The following ITPR1 variants were observed in gnomAD, a reference collection of about 807,000 sequenced individuals.
The protein encoded by ITPR1 is inositol 1,4,5-trisphosphate receptor type 1.
ITPR1 carries 96 observed loss-of-function variants against 318.4 expected under a neutral mutation model. The observed-to-expected ratio is 0.30, with a 90% CI of 0.26 to 0.36. The LOEUF is 0.36. ITPR1 is among the 10% of genes least tolerant of loss of function. The pLI is 1.00. For missense variants in ITPR1, 2,440 were observed against 3,460.2 expected (o/e 0.71, Z 7.40); for synonymous variants, 1,312 against 1,289.9 (o/e 1.02, Z -0.37).
At chr3:4,500,461 C>T (rs966581909) in intron 2 of ITPR1, among the ~76,000 whole-genome samples, 2 of 149,524 alleles carry the variant, frequency 1.3e-5, no homozygotes, top group East Asian at 3.9e-4. Context: ...CTTGACCTCC[C>T]AAAGTGTTGG....
intron 2 of ITPR1, among the ~76,000 whole-genome samples, chr3:4,505,755 C>G (rs1056931054): frequency 2.0e-5 from 3 of 152,178 alleles, no homozygotes; most frequent in Non-Finnish European, 4.4e-5. Flanking sequence ...GAGTGAGATG[C>G]TGGCATTCAC....
intron 2 of ITPR1, among the ~76,000 whole-genome samples, chr3:4,501,194 A>T (rs1332707207): frequency 6.6e-6 from 1 of 152,056 alleles, no homozygotes; most frequent in African/African-American, 2.4e-5. Flanking sequence ...CATGCACTAG[A>T]ATAGAAAACA....
At chr3:4,540,225 T>G in intron 4 of ITPR1, among the ~76,000 whole-genome samples, 1 of 152,224 alleles carries the variant, frequency 6.6e-6, no homozygotes, top group Non-Finnish European at 1.5e-5. Flanking sequence ...AACTAAATAT[T>G]TATCATTATG....
intron 54 of ITPR1, among the ~76,000 whole-genome samples, chr3:4,803,496 C>G (rs1391851908): frequency 6.6e-6 from 1 of 152,156 alleles, no homozygotes; most frequent in Admixed American, 6.5e-5. Flanking sequence ...ACCTACTGGG[C>G]TTCAGGTGGA....
chr3:4,575,726 A>T (rs993421087), intron 4 of ITPR1, among the ~76,000 whole-genome samples: 6 of 152,258 alleles, frequency 3.9e-5, no homozygotes, highest in African/African-American at 1.4e-4. Context: ...AAAAAAAAAA[A>T]AATGTTGCCA....
intron 59 of ITPR1, among the ~76,000 whole-genome samples, chr3:4,816,732 G>T (rs529292539): frequency 6.6e-6 from 1 of 152,274 alleles, no homozygotes; most frequent in Admixed American, 6.5e-5. Flanking sequence ...TAATTGCCAG[G>T]TTTTTCCAGT....
chr3:4,513,102 G>T (rs562416355), intron 2 of ITPR1, among the ~76,000 whole-genome samples: 3 of 152,216 alleles, frequency 2.0e-5, no homozygotes, highest in African/African-American at 7.2e-5. Flanking sequence ...AGGCACAAAT[G>T]GTCCACGATC....
At chr3:4,545,692 T>C (rs995994112) in intron 4 of ITPR1, among the ~76,000 whole-genome samples, 1 of 105,972 alleles carries the variant, frequency 9.4e-6, no homozygotes, top group African/African-American at 3.9e-5. Context: ...GTATGCAAAC[T>C]TTTTTTTTTT....
intron 60 of ITPR1, among the ~76,000 whole-genome samples, chr3:4,830,429 A>G (rs552832961): frequency 6.6e-6 from 1 of 152,216 alleles, no homozygotes; most frequent in South Asian, 2.1e-4. Context: ...TCTAAAGACT[A>G]ATTTTTTTTT....
At chr3:4,772,605 G>A (rs1559870860) in intron 46 of ITPR1, among the ~76,000 whole-genome samples, 3 of 152,218 alleles carry the variant, frequency 2.0e-5, no homozygotes, top group Non-Finnish European at 2.9e-5. Flanking sequence ...ACCAAAGTCT[G>A]TCTAAGCACA....
intron 10 of ITPR1, chr3:4,646,146 G>C (rs2093450896): frequency 5.4e-6 from 1 of 184,802 alleles, no homozygotes; most frequent in Non-Finnish European, 1.2e-5. Flanking sequence ...GTGTCTACCT[G>C]ACACAATACA....
chr3:4,529,920 G>A (rs1372557399), intron 4 of ITPR1, among the ~76,000 whole-genome samples: 1 of 152,172 alleles, frequency 6.6e-6, no homozygotes, highest in Admixed American at 6.5e-5. Flanking sequence ...GATGTTTAGT[G>A]TCTGGTCCAA....
chr3:4,611,634 A>C (rs1314069394), intron 4 of ITPR1, among the ~76,000 whole-genome samples: 2 of 151,588 alleles, frequency 1.3e-5, no homozygotes, highest in Non-Finnish European at 2.9e-5. Context: ...AGTTCCAGGT[A>C]CTCGGGAGGC....
In ITPR1 at chr3:4,642,213, A is replaced by G. The variant is rs2093353649; in HGVS notation, c.487A>G (p.Ile163Val). 1.3e-6 allele frequency: 2 copies of G among 1,589,612 alleles called. No individual in the cohort carries two copies. The highest frequency in any genetic ancestry group is 1.2e-5 in the South Asian group (1 of 86,876). ...EAGNEGSWFY[I>V]QPFYKLRSIG... The stretch of plus-strand genomic sequence containing the variant: ...TGGAAATGAAGGGTCCTGGTTTTAT[A>G]TTCAGCCATTCTACAAGCTGCGATC... The change falls in exon 7 of 62, where the codon ATT (isoleucine) becomes GTT (valine). Residue 163 changes from isoleucine to valine, a missense_variant. Ile to Val is a conservative substitution (Grantham distance 29, BLOSUM62 3). Around this residue, in one of 23 missense-constraint regions of ITPR1, gnomAD observed 186 missense variants for 323.9 expected, o/e 0.57. Coordinates refer to ENST00000649015, the MANE Select transcript of ITPR1 (RefSeq NM_001378452.1).
intron 2 of ITPR1, among the ~76,000 whole-genome samples, chr3:4,513,715 A>G (rs75722887): frequency 0.022 from 3,318 of 152,344 alleles, 51 homozygotes; most frequent in Non-Finnish European, 0.034. Flanking sequence ...CTCCATAATC[A>G]TCCGGAGTAT....
intron 4 of ITPR1, among the ~76,000 whole-genome samples, chr3:4,535,239 A>G (rs921592325): frequency 6.6e-6 from 1 of 152,024 alleles, no homozygotes; most frequent in African/African-American, 2.4e-5. Flanking sequence ...TTATTTTCAG[A>G]TCTGTCAGGA....
At chr3:4,653,238 G>C (rs56920355) in intron 11 of ITPR1, among the ~76,000 whole-genome samples, 4,571 of 152,232 alleles carry the variant, frequency 0.03, 232 homozygotes, top group African/African-American at 0.1. Context: ...GTGATGGTGG[G>C]TGTCAGCACT....
chr3:4,639,605 T>A (rs2093288876), intron 6 of ITPR1, 135 bp downstream of exon 6: 1 of 669,918 alleles, frequency 1.5e-6, no homozygotes, highest in South Asian at 1.7e-5. Context: ...TTGCAAAAAG[T>A]CTAGTGTTTC....
At chr3:4,685,007 C>T in intron 29 of ITPR1, 62 bp from the exon 30 acceptor site, 1 of 1,553,450 alleles carries the variant, frequency 6.4e-7, no homozygotes, top group South Asian at 1.2e-5. Flanking sequence ...CCACCACCCT[C>T]TGCAATCTTT....
Sources: gnomAD v4.1 joint callset for allele counts (sites outside exome capture counted in the v4.1 genomes callset) on GRCh38, gnomAD v4.1.1 for gene constraint, gnomAD v4.1.1 regional missense constraint, MANE v1.5 for transcripts, NCBI Gene and HGNC (gene_info 2026-07-23, HGNC 2026-07-21) for gene names.